FRMPD4: variants seen among roughly 807,000 people sequenced by gnomAD.
FRMPD4 encodes FERM and PDZ domain containing 4.
In FRMPD4, 22 loss-of-function variants were observed where a neutral mutation model predicts 94.1. That is an observed-to-expected ratio of 0.23 (90% confidence interval 0.17 to 0.33). The LOEUF (loss-of-function observed/expected upper bound fraction) is 0.33, where lower values mean the gene tolerates loss of function less well. Ranked by LOEUF, FRMPD4 falls within the 10% of genes least tolerant of loss-of-function variation. FRMPD4 has a pLI of 1.00. For synonymous variants in FRMPD4, 631 were observed against 548.6 expected (o/e 1.15, Z -2.10); for missense variants, 1,111 against 1,339.9 (o/e 0.83, Z 2.67).
At chrX:12,592,530 T>C (rs766201829) in intron 2 of FRMPD4, among the ~76,000 whole-genome samples, 52 of 112,116 alleles carry the variant, frequency 4.6e-4, no homozygotes, top group Non-Finnish European at 8.5e-4. Context: ...TTTCTTTCTT[T>C]TTCTTTCTAC....
At chrX:12,688,361 C>T (rs1223388911) in intron 7 of FRMPD4, among the ~76,000 whole-genome samples, 1 of 112,118 alleles carries the variant, frequency 8.9e-6, no homozygotes, top group Admixed American at 9.5e-5. Context: ...CCTCCAGCCT[C>T]TTTATTACGG....
At chrX:12,716,005 A>ACCC in intron 14 of FRMPD4, 64 bp from the exon 15 acceptor site, 2 of 134,925 alleles carry the variant, frequency 1.5e-5, no homozygotes, top group Non-Finnish European at 3.0e-5. Context: ...CGAGCCTCCC[A>ACCC]CCCCCGCCCC....
chrX:12,629,681 T>C (rs773522908), intron 4 of FRMPD4, among the ~76,000 whole-genome samples: 2 of 112,478 alleles, frequency 1.8e-5, no homozygotes, highest in East Asian at 5.6e-4. Context: ...TGAATGATCA[T>C]GAGCAAATTA....
At chrX:12,421,324 G>C (rs1216923491) in intron 1 of FRMPD4, among the ~76,000 whole-genome samples, 1 of 112,155 alleles carries the variant, frequency 8.9e-6, no homozygotes, top group Non-Finnish European at 1.9e-5. Context: ...ACATCTGTGA[G>C]ACAATGTAAC....
At chrX:12,334,470 A>G (rs1162509537) in intron 1 of FRMPD4, among the ~76,000 whole-genome samples, 1 of 111,203 alleles carries the variant, frequency 9.0e-6, no homozygotes, top group Non-Finnish European at 1.9e-5. Context: ...CGTTATGCAA[A>G]CTTATTCTAA....
chrX:12,636,598 G>A (rs866483008), intron 4 of FRMPD4, among the ~76,000 whole-genome samples: 2 of 112,060 alleles, frequency 1.8e-5, no homozygotes, highest in South Asian at 3.7e-4. Context: ...GCTGAATAAC[G>A]TTATAAAGAA....
At chrX:12,187,750 T>C (rs2056440580) in intron 1 of FRMPD4, among the ~76,000 whole-genome samples, 1 of 111,791 alleles carries the variant, frequency 8.9e-6, no homozygotes, top group Non-Finnish European at 1.9e-5. Flanking sequence ...TAAATATACA[T>C]GTATGTATGC....
chrX:12,300,278 A>T (rs1247045405), intron 1 of FRMPD4, among the ~76,000 whole-genome samples: 3 of 111,893 alleles, frequency 2.7e-5, no homozygotes, highest in Non-Finnish European at 3.8e-5. Flanking sequence ...GCATTCTCTG[A>T]CTGAGTTTTC....
At chrX:12,417,389 G>A (rs1464490518) in intron 1 of FRMPD4, among the ~76,000 whole-genome samples, 2 of 108,809 alleles carry the variant, frequency 1.8e-5, no homozygotes, top group Admixed American at 2.0e-4. Flanking sequence ...GACCAGCCTG[G>A]CCAACATGGT....
At chrX:12,325,501 A>G (rs2055273120) in intron 1 of FRMPD4, among the ~76,000 whole-genome samples, 1 of 112,781 alleles carries the variant, frequency 8.9e-6, no homozygotes, top group Non-Finnish European at 1.9e-5. Flanking sequence ...TTGCATTTTC[A>G]GGATATACTG....
At chrX:12,348,195 C>T (rs2055744750) in intron 1 of FRMPD4, among the ~76,000 whole-genome samples, 1 of 111,737 alleles carries the variant, frequency 8.9e-6, no homozygotes, top group East Asian at 2.8e-4. Flanking sequence ...AACAACAAAC[C>T]AAGGTTGGAA....
At chrX:12,049,405 C>T (rs1053017461) in intron 3 of FRMPD4, among the ~76,000 whole-genome samples, 2 of 111,099 alleles carry the variant, frequency 1.8e-5, no homozygotes, top group African/African-American at 6.5e-5. Flanking sequence ...TAAGGGTTTC[C>T]TAGGTATAGA....
chrX:12,256,989 A>G (rs963317180), intron 1 of FRMPD4, among the ~76,000 whole-genome samples: 1 of 112,167 alleles, frequency 8.9e-6, no homozygotes, highest in Non-Finnish European at 1.9e-5. Flanking sequence ...CTCTGTAAAA[A>G]TATTTTCCAG....
intron 1 of FRMPD4, among the ~76,000 whole-genome samples, chrX:12,199,539 C>G (rs1259555004): frequency 9.0e-6 from 1 of 111,511 alleles, no homozygotes; most frequent in East Asian, 2.8e-4. Flanking sequence ...CCAAGCAGCT[C>G]TACTTCTAGA....
chrX:12,561,611 C>T (rs769023862), intron 2 of FRMPD4, among the ~76,000 whole-genome samples: 7 of 112,297 alleles, frequency 6.2e-5, no homozygotes, highest in South Asian at 3.7e-4. Flanking sequence ...ATAAACTAAC[C>T]GTATAAAGTA....
intron 3 of FRMPD4, among the ~76,000 whole-genome samples, chrX:12,613,170 G>A (rs138544626): frequency 2.8e-3 from 316 of 112,283 alleles, no homozygotes; most frequent in Non-Finnish European, 3.9e-3. Context: ...ATATGCTACC[G>A]TATCAATATT....
chrX:12,198,962 G>A (rs1174741792), intron 1 of FRMPD4, among the ~76,000 whole-genome samples: 1 of 111,834 alleles, frequency 8.9e-6, no homozygotes, highest in East Asian at 2.8e-4. Flanking sequence ...GTATCTAAAT[G>A]AATTTTTAGA....
At chrX:12,531,530 C>G (rs760081735) in intron 2 of FRMPD4, among the ~76,000 whole-genome samples, 1 of 111,573 alleles carries the variant, frequency 9.0e-6, no homozygotes, top group Admixed American at 9.5e-5. Context: ...ATTTTTGAGG[C>G]CTGGCTGGGG....
At chrX:12,450,373 T>C (rs2057251362) in intron 1 of FRMPD4, among the ~76,000 whole-genome samples, 1 of 111,664 alleles carries the variant, frequency 9.0e-6, no homozygotes, top group African/African-American at 3.3e-5. Context: ...CAAGGGAACT[T>C]TCTGTTCTAC....
Sources: allele counts gnomAD v4.1 joint callset (sites outside exome capture counted in the v4.1 genomes callset), GRCh38; gene constraint gnomAD v4.1.1; transcripts MANE v1.5; gene names NCBI Gene and HGNC (gene_info 2026-07-23, HGNC 2026-07-21).